The following COL4A1 variants were observed in gnomAD, a reference collection of about 807,000 sequenced individuals.
COL4A1 encodes collagen type IV alpha 1 chain, also known as collagen alpha-1(IV) chain.
Under a neutral mutation model 216.6 loss-of-function variants are expected in COL4A1, and 40 were observed. That is an observed-to-expected ratio of 0.18 (90% CI 0.14 to 0.24). COL4A1 has a LOEUF of 0.24. COL4A1 is among the 10% of genes least tolerant of loss of function. The probability of loss-of-function intolerance (pLI) is 1.00; values close to 1 mark genes in which losing one functional copy is unlikely to be tolerated. For synonymous variants in COL4A1, 839 were observed against 810.7 expected, an observed-to-expected ratio of 1.03 and a Z score of -0.59; for missense variants, 1,628 against 2,196.8, an observed-to-expected ratio of 0.74 and a Z score of 5.18.
intron 2 of COL4A1, among the ~76,000 whole-genome samples, chr13:110,229,027 C>T (rs1374940771): frequency 6.6e-6 from 1 of 152,168 alleles, no homozygotes; most frequent in African/African-American, 2.4e-5. Flanking sequence ...TTGGTTTTCC[C>T]ATCAGCAGAT....
intron 1 of COL4A1, chr13:110,298,833 T>C (rs1281185443): frequency 6.6e-6 from 1 of 152,228 alleles, no homozygotes; most frequent in Non-Finnish European, 1.5e-5. Context: ...CCGCAGAGGA[T>C]GGCAAAACTC....
chr13:110,164,872 T>G lies in COL4A1; in HGVS notation c.4140A>C (p.Lys1380Asn), dbSNP rs767647322. The G allele has an allele frequency of 6.2e-7, 1 of 1,612,056 alleles. No homozygotes were observed. Among genetic ancestry groups the G allele is most frequent in the East Asian group, 2.2e-5 (1 of 44,776 alleles). ...GCCAAGCCTTCTCACCTTGCTGGCC[T>G]TTCGGGCCTGGCAGTCCCTGAAGCC... ...LKGLQGLPGP[K>N]GQQGVTGLVG... is the part of the protein sequence containing the mutation. The change falls in exon 46 of 52, where the codon AAA becomes AAC. Residue 1380 changes from lysine to asparagine, a missense_variant. Physicochemically the swap from Lys to Asn is moderately conservative, Grantham distance 94 (BLOSUM62 0). Around this residue, in one of 8 missense-constraint regions of COL4A1, gnomAD observed 345 missense variants for 476.9 expected, o/e 0.72. Transcript: ENST00000375820.
chr13:110,295,794 T>A (rs928677586), intron 1 of COL4A1, among the ~76,000 whole-genome samples: 1 of 152,238 alleles, frequency 6.6e-6, no homozygotes, highest in African/African-American at 2.4e-5. Flanking sequence ...AATATTTACA[T>A]GGCTGGAAGC....
chr13:110,167,427 A>G (rs1566344474), intron 43 of COL4A1, among the ~76,000 whole-genome samples, 197 bp from the exon 44 acceptor site: 1 of 152,352 alleles, frequency 6.6e-6, no homozygotes, highest in East Asian at 1.9e-4. Context: ...GCTGGAAAGT[A>G]GAAGCATTTG....
chr13:110,189,034 GTTTTTGT>G (rs1220589579), intron 24 of COL4A1, among the ~76,000 whole-genome samples: 5 of 152,094 alleles, frequency 3.3e-5, no homozygotes, highest in Non-Finnish European at 5.9e-5. Flanking sequence ...GACTACATTT[GTTTTTGT>G]TTTTTGTTTT....
At chr13:110,219,071 A>G (rs645511) in intron 2 of COL4A1, among the ~76,000 whole-genome samples, 147,923 of 152,276 alleles carry the variant, frequency 0.97, 72,003 homozygotes, top group Middle Eastern at 1. Flanking sequence ...GGGGTGGGAA[A>G]GCTGCGGTGG....
intron 1 of COL4A1, among the ~76,000 whole-genome samples, chr13:110,263,341 T>C (rs1296513092): frequency 6.6e-6 from 1 of 152,160 alleles, no homozygotes; most frequent in Middle Eastern, 3.2e-3. Flanking sequence ...CACCCAACCC[T>C]TTACCATGTC....
At chr13:110,198,856 T>C (rs1879028810) in intron 20 of COL4A1, among the ~76,000 whole-genome samples, 1 of 152,212 alleles carries the variant, frequency 6.6e-6, no homozygotes, top group Non-Finnish European at 1.5e-5. Context: ...AGGGACTCAT[T>C]ACGTAGATAT....
At chr13:110,153,069 C>T (rs1566333238) in intron 50 of COL4A1, among the ~76,000 whole-genome samples, 1 of 152,168 alleles carries the variant, frequency 6.6e-6, no homozygotes, top group Non-Finnish European at 1.5e-5. Context: ...TTAAGTAGGA[C>T]CTTCCTGTAC....
intron 43 of COL4A1, among the ~76,000 whole-genome samples, chr13:110,167,892 T>G (rs1301711558): frequency 6.6e-6 from 1 of 152,202 alleles, no homozygotes; most frequent in Non-Finnish European, 1.5e-5. Context: ...TTTAAAAGTG[T>G]CAAACCAAAA....
At chr13:110,306,143 ACCT>A (rs1411073938) in intron 1 of COL4A1, among the ~76,000 whole-genome samples, 1 of 152,104 alleles carries the variant, frequency 6.6e-6, no homozygotes, top group South Asian at 2.1e-4. Flanking sequence ...ACTCCTGCAA[ACCT>A]CCTGCAAACC....
intron 9 of COL4A1, 35 bp from the exon 10 acceptor site, chr13:110,210,077 G>A (rs547094463): frequency 2.9e-4 from 473 of 1,613,846 alleles, no homozygotes; most frequent in Non-Finnish European, 3.9e-4. Flanking sequence ...GTTCAGATGC[G>A]AACTGGGAGG....
rs183559317 is a variant in COL4A1, at chr13:110,252,046, T to C, written c.85-9312A>G. Among the ~76,000 whole-genome samples, 610 of 152,214 alleles carry C rather than the reference T, an allele frequency of 4.0e-3. 2 individuals are homozygous for C. The highest frequency in any genetic ancestry group is 6.9e-3 in the Non-Finnish European group (468 of 68,010). On this transcript the variant is annotated intron_variant, in intron 1 of 51. Transcript: ENST00000375820. ...ATAAATAAATTACTTTTTTTTGAGG[T>C]AGAGTCTCGCTCTGTTGCCCAGGCT... is the stretch of plus-strand genomic sequence containing the variant.
intron 20 of COL4A1, among the ~76,000 whole-genome samples, chr13:110,200,627 A>T (rs1879145929): frequency 6.6e-6 from 1 of 152,160 alleles, no homozygotes; most frequent in Admixed American, 6.5e-5. Context: ...CCCAGGAGAG[A>T]CATAAGGGTG....
rs1188217302 is a variant in COL4A1, at chr13:110,176,980, T to C, written c.2774A>G (p.Asp925Gly). 1.2e-6 allele frequency: 2 copies of C among 1,614,028 alleles called. No individual in the cohort carries two copies. Among genetic ancestry groups the C allele is most frequent in the East Asian group, 2.2e-5 (1 of 44,864 alleles). The change falls in exon 34 of 52, where the codon GAT (aspartate) becomes GGT (glycine). Residue 925 changes from aspartate (D) to glycine (G), a missense_variant. This residue lies in a region of COL4A1 where 701 missense variants were observed against 892.5 expected (regional missense o/e 0.79). Coordinates refer to ENST00000375820, the MANE Select transcript of COL4A1 (RefSeq NM_001845.6). The stretch of plus-strand genomic sequence containing the variant: ...GCCAGGGAGACCGACATCCCCCTTA[T>C]CACCTTTCAAGCCAGGGTCTCCCCT... Reference protein sequence around the residue: ...GPRGDPGLKGDKGDVGLPGKP... With the variant: ...GPRGDPGLKGGKGDVGLPGKP...
At chr13:110,248,305 C>G (rs1371005030) in intron 1 of COL4A1, among the ~76,000 whole-genome samples, 1 of 152,174 alleles carries the variant, frequency 6.6e-6, no homozygotes, top group Non-Finnish European at 1.5e-5. Flanking sequence ...CACACGCTCC[C>G]GGCGGGATTG....
rs762670280 is a variant in COL4A1 at position 110,201,529 on chromosome 13, C to T, written c.1000-7G>A. On this transcript the variant is annotated splice_region_variant and splice_polypyrimidine_tract_variant and intron_variant, in intron 18 of 51. Transcript: ENST00000375820. ...AAGGTCCTGTGCCTATAACCTGAAT[C>T]GAGAAGGAAAAGGTGATCATCCCGT... is the stretch of plus-strand genomic sequence containing the variant. 6 of 1,613,582 alleles carry T rather than the reference C, an allele frequency of 3.7e-6. No homozygotes were observed. Among genetic ancestry groups the T allele is most frequent in the South Asian group, 3.3e-5 (3 of 91,068 alleles).
chr13:110,205,877 G>GTA (rs1280470142), intron 15 of COL4A1, among the ~76,000 whole-genome samples: 18 of 151,076 alleles, frequency 1.2e-4, no homozygotes, highest in South Asian at 8.3e-4. Context: ...ATATATATAT[G>GTA]TATATATATA....
chr13:110,254,345 A>G (rs1882418485), intron 1 of COL4A1, among the ~76,000 whole-genome samples: 1 of 152,158 alleles, frequency 6.6e-6, no homozygotes, highest in Non-Finnish European at 1.5e-5. Context: ...TTTTCCCATC[A>G]ACAGAACTCT....
Sources: gnomAD v4.1 joint callset for allele counts (sites outside exome capture counted in the v4.1 genomes callset) on GRCh38, gnomAD v4.1.1 for gene constraint, gnomAD v4.1.1 regional missense constraint, MANE v1.5 for transcripts, NCBI Gene and HGNC (gene_info 2026-07-23, HGNC 2026-07-21) for gene names.